The following POU6F2 variants were observed in gnomAD, a reference collection of about 807,000 sequenced individuals.
POU6F2 encodes POU class 6 homeobox 2.
A neutral mutation model predicts 71.3 loss-of-function variants in POU6F2; 31 were observed. The ratio of observed to expected loss-of-function variants is 0.43; its 90% CI spans 0.33 to 0.59. The LOEUF is 0.59. POU6F2 is among the 20% of genes least tolerant of loss of function. The probability of loss-of-function intolerance (pLI) is 0.04; values close to 1 mark genes in which losing one functional copy is unlikely to be tolerated. For synonymous variants in POU6F2, 347 were observed against 355.7 expected (o/e 0.98, Z 0.27); for missense variants, 783 against 856.8 (o/e 0.91, Z 1.07).
At chr7:39,358,711 C>T (rs780936907) in intron 5 of POU6F2, among the ~76,000 whole-genome samples, 1 of 151,984 alleles carries the variant, frequency 6.6e-6, no homozygotes, top group Non-Finnish European at 1.5e-5. Flanking sequence ...GATTGAGTAA[C>T]TGAAGATGAT....
intron 5 of POU6F2, among the ~76,000 whole-genome samples, chr7:39,363,740 G>C (rs1786441901): frequency 6.6e-6 from 1 of 151,718 alleles, no homozygotes; most frequent in African/African-American, 2.4e-5. Context: ...ATGATTAACT[G>C]TGTCAACCAG....
chr7:39,149,987 G>A (rs1792717015), intron 2 of POU6F2, among the ~76,000 whole-genome samples: 2 of 151,226 alleles, frequency 1.3e-5, no homozygotes, highest in Non-Finnish European at 2.9e-5. Context: ...CCGGGTTCAC[G>A]CCATTCTCCT....
At chr7:39,435,900 T>TC (rs1407548877) in intron 7 of POU6F2, among the ~76,000 whole-genome samples, 3 of 152,308 alleles carry the variant, frequency 2.0e-5, no homozygotes, top group African/African-American at 7.2e-5. Flanking sequence ...TCCCCTTTGT[T>TC]TTTGTCAGGT....
intron 5 of POU6F2, among the ~76,000 whole-genome samples, chr7:39,370,909 A>G (rs1015145443): frequency 6.6e-6 from 1 of 152,184 alleles, no homozygotes; most frequent in Non-Finnish European, 1.5e-5. Context: ...TTGTGAGCCA[A>G]TTCCTTAAAA....
intron 4 of POU6F2, among the ~76,000 whole-genome samples, chr7:39,302,131 A>G (rs1270850469): frequency 6.6e-6 from 1 of 152,128 alleles, no homozygotes. Flanking sequence ...CCATCTTTTG[A>G]AATTTTTTAC....
intron 4 of POU6F2, among the ~76,000 whole-genome samples, chr7:39,240,580 A>T (rs1243632426): frequency 6.6e-6 from 1 of 152,156 alleles, no homozygotes. Context: ...AATCTACAGA[A>T]TGAGAAACTT....
intron 5 of POU6F2, among the ~76,000 whole-genome samples, chr7:39,348,581 T>C (rs1786074957): frequency 1.3e-5 from 2 of 152,354 alleles, no homozygotes; most frequent in South Asian, 4.1e-4. Flanking sequence ...TGAATTGGGA[T>C]TCCAGATCTA....
At chr7:39,336,254 A>G (rs1263248981) in intron 4 of POU6F2, among the ~76,000 whole-genome samples, 2 of 152,200 alleles carry the variant, frequency 1.3e-5, no homozygotes, top group Non-Finnish European at 2.9e-5. Flanking sequence ...GTCTAGTTTC[A>G]GAATTATTTC....
chr7:39,430,188 A>G (rs1276734099), intron 6 of POU6F2, among the ~76,000 whole-genome samples: 1 of 152,252 alleles, frequency 6.6e-6, no homozygotes, highest in Admixed American at 6.5e-5. Flanking sequence ...CGGGAATATG[A>G]CGAAATTCCC....
intron 4 of POU6F2, among the ~76,000 whole-genome samples, chr7:39,235,183 C>T (rs1474658179): frequency 1.3e-5 from 2 of 152,140 alleles, no homozygotes; most frequent in East Asian, 3.9e-4. Flanking sequence ...ACCTGCTGCT[C>T]ACATGCTCAT....
intron 4 of POU6F2, among the ~76,000 whole-genome samples, chr7:39,216,145 C>A (rs1198807768): frequency 1.2e-4 from 19 of 152,112 alleles, no homozygotes; most frequent in Admixed American, 6.5e-5. Flanking sequence ...AAATAAATAA[C>A]CCTAAAGGAA....
chr7:39,006,933 T>G, intron 1 of POU6F2: 33 of 1,488,416 alleles, frequency 2.2e-5, no homozygotes, highest in Non-Finnish European at 2.5e-5. Context: ...ATCTGTGAGT[T>G]TATTGTATAA....
At chr7:39,099,072 A>T (rs1263631228) in intron 2 of POU6F2, among the ~76,000 whole-genome samples, 1 of 152,224 alleles carries the variant, frequency 6.6e-6, no homozygotes, top group Non-Finnish European at 1.5e-5. Context: ...ATTCAGACTC[A>T]TAAATGGAGG....
chr7:39,390,151 TTTGGGA>T (rs1394347376), intron 5 of POU6F2, among the ~76,000 whole-genome samples: 64 of 152,290 alleles, frequency 4.2e-4, no homozygotes, highest in African/African-American at 1.5e-3. Context: ...ATCCCAGCAC[TTTGGGA>T]GGCTGAGGCA....
intron 2 of POU6F2, among the ~76,000 whole-genome samples, chr7:39,195,108 T>C (rs1793759040): frequency 2.0e-5 from 3 of 152,342 alleles, no homozygotes; most frequent in East Asian, 1.9e-4. Flanking sequence ...AATTTTTTTC[T>C]TGGAAAAATT....
At chr7:39,285,409 G>A (rs1784634614) in intron 4 of POU6F2, among the ~76,000 whole-genome samples, 1 of 152,146 alleles carries the variant, frequency 6.6e-6, no homozygotes, top group African/African-American at 2.4e-5. Flanking sequence ...ACAGTTTTCT[G>A]CCCAACTCAC....
chr7:38,996,790 C>T (rs1584487182), intron 1 of POU6F2, among the ~76,000 whole-genome samples: 2 of 152,268 alleles, frequency 1.3e-5, no homozygotes, highest in South Asian at 2.1e-4. Flanking sequence ...TATGTTTATA[C>T]CTCTTGACTT....
chr7:39,295,643 A>G (rs902231330), intron 4 of POU6F2, among the ~76,000 whole-genome samples: 1 of 152,214 alleles, frequency 6.6e-6, no homozygotes, highest in Non-Finnish European at 1.5e-5. Flanking sequence ...ATGGGAAAGA[A>G]GAGTGGCAGC....
intron 2 of POU6F2, among the ~76,000 whole-genome samples, chr7:39,165,935 T>G (rs1407470307): frequency 6.6e-6 from 1 of 152,242 alleles, no homozygotes; most frequent in Admixed American, 6.5e-5. Context: ...AGGTGATCAT[T>G]CTTGCTTTGT....
Sources: gnomAD v4.1 joint callset for allele counts (sites outside exome capture counted in the v4.1 genomes callset) on GRCh38, gnomAD v4.1.1 for gene constraint, MANE v1.5 for transcripts, NCBI Gene and HGNC (gene_info 2026-07-23, HGNC 2026-07-21) for gene names.